The following CD22 variants were observed in gnomAD, a reference collection of about 807,000 sequenced individuals.
The protein encoded by CD22 is B-cell receptor CD22.
CD22 carries 51 observed loss-of-function variants against 94.7 expected under a neutral mutation model. The ratio of observed to expected loss-of-function variants is 0.54; its 90% CI spans 0.43 to 0.68. The LOEUF (loss-of-function observed/expected upper bound fraction) is 0.68. CD22 is among the 30% of genes least tolerant of loss of function. The pLI is 0.00. For missense variants in CD22, 931 were observed against 1,060.4 expected, an observed-to-expected ratio of 0.88 and a Z score of 1.69; for synonymous variants, 424 against 422.5, an observed-to-expected ratio of 1.00 and a Z score of -0.04.
At chr19:35,332,170 G>A in intron 2 of CD22, 96 bp downstream of exon 2, 1 of 1,387,802 alleles carries the variant, frequency 7.2e-7, no homozygotes, top group Non-Finnish European at 1.0e-6. Context: ...TCAACATAGG[G>A]TAGGGTGGGG....
At chr19:35,346,368 C>T (rs546536630) in intron 13 of CD22, 133 bp downstream of exon 13, 41 of 1,068,026 alleles carry the variant, frequency 3.8e-5, no homozygotes, top group Non-Finnish European at 5.1e-5. Context: ...GTGTTGGAGA[C>T]GGTTGCTCCG....
chr19:35,338,444 G>A lies in CD22; in HGVS notation c.1249+13G>A, dbSNP rs2066757570. On this transcript the variant is annotated intron_variant, in intron 6 of 13. Coordinates refer to ENST00000085219, the MANE Select transcript of CD22 (RefSeq NM_001771.4). ...CTGGATGTCCAGTGTGAGTAGCCAC[G>A]GAGCCTCTGGTTCTAGGGAGAGAAG... 3.7e-6 allele frequency: 6 copies of A among 1,607,174 alleles called. No individual in the cohort carries two copies. The East Asian group carries it at 6.7e-5, about 18-fold the overall frequency.
Position 35,338,250 on chromosome 19 carries a change from G to A in CD22, c.1068G>A (p.Leu356=), listed in dbSNP as rs770304921. Residue 356 remains leucine (L), a synonymous_variant, in exon 6 of 14, where the codon CTG becomes CTA. Coordinates refer to ENST00000085219, the MANE Select transcript of CD22 (RefSeq NM_001771.4). The stretch of plus-strand genomic sequence containing the variant: ...AAGTCGAGTTTCTTTGCATGTCACT[G>A]GCCAATCCTCTTCCAACAAATTACA... ...GSQVEFLCMS[L]ANPLPTNYTW... is the part of the protein sequence containing the mutation. 1 of 1,614,222 alleles carries A rather than the reference G, an allele frequency of 6.2e-7. No individual in the cohort carries two copies. Among genetic ancestry groups the A allele is most frequent in the Admixed American group, 1.7e-5 (1 of 60,018 alleles).
At chr19:35,335,985 G>A (rs897431963) in intron 3 of CD22, 51 bp from the exon 4 acceptor site, 19 of 1,508,730 alleles carry the variant, frequency 1.3e-5, no homozygotes, top group East Asian at 2.3e-5. Flanking sequence ...CCAGGTGTAC[G>A]CTCACGTCCT....
intron 5 of CD22, 33 bp downstream of exon 5, chr19:35,338,054 A>C: frequency 6.3e-7 from 1 of 1,588,322 alleles, no homozygotes. Context: ...CAGGCCAGGC[A>C]GGGAGGTAGC....
chr19:35,342,444 G>C (rs549317472), intron 9 of CD22, among the ~76,000 whole-genome samples: 2 of 151,934 alleles, frequency 1.3e-5, no homozygotes, highest in Admixed American at 6.6e-5. Context: ...CCTGGGATTA[G>C]AGCCATGAGC....
Position 35,346,165 on chromosome 19 carries a change from C to T in CD22, c.2342C>T (p.Ser781Leu), listed in dbSNP as rs772307669. The change falls in exon 13 of 14, where the codon TCA (serine) becomes TTA (leucine). Residue 781 changes from serine to leucine, a missense_variant. Transcript: ENST00000085219. Reference sequence around the variant, plus strand: ...CTGTCTCTCAGAGATGCAGAGTCCTCAGAGATGCAGAGACCTCCCCCGGAC... The same window carrying T: ...CTGTCTCTCAGAGATGCAGAGTCCTTAGAGATGCAGAGACCTCCCCCGGAC... The part of the protein sequence containing the change: ...NIPRTGDAES[S>L]EMQRPPPDCD... 3.7e-6 allele frequency: 6 copies of T among 1,613,468 alleles called. No individual in the cohort carries two copies. Among genetic ancestry groups the T allele is most frequent in the Admixed American group, 1.7e-5 (1 of 60,000 alleles).
rs375494334 is a variant in CD22 at position 35,344,917 on chromosome 19, C to G, written c.2124C>G (p.Leu708=). The change falls in exon 10 of 14, where the codon CTC becomes CTG. Residue 708 remains leucine (L), a synonymous_variant. Coordinates refer to ENST00000085219, the MANE Select transcript of CD22 (RefSeq NM_001771.4). ...ILILAICGLK[L]QRRWKRTQSQ... is the part of the protein sequence containing the mutation. ...TCCTGGCAATCTGTGGGCTCAAGCT[C>G]CAGCGACGGTGAGCTCCTGCCATCC... 1 of 1,613,732 alleles carries G rather than the reference C, an allele frequency of 6.2e-7. No individual in the cohort carries two copies. The highest frequency in any genetic ancestry group is 1.1e-5 in the South Asian group (1 of 91,072).
chr19:35,332,699 G>A lies in CD22; in HGVS notation c.187G>A (p.Glu63Lys), dbSNP rs1425564663. 3.1e-6 allele frequency: 5 copies of A among 1,614,100 alleles called. No homozygotes were observed. The highest frequency in any genetic ancestry group is 1.1e-5 in the South Asian group (1 of 91,076). The change falls in exon 3 of 14, where the codon GAG (glutamate) becomes AAG (lysine). Residue 63 changes from glutamate to lysine, a missense_variant. By Grantham distance (56) the Glu-to-Lys change is moderately conservative. Transcript: ENST00000085219. ...AAGCTTCATCCTGTTCCACAATCCTGAGTATAACAAGAACACCTCGAAGTT... is the reference window on the plus strand; with the variant it reads ...AAGCTTCATCCTGTTCCACAATCCTAAGTATAACAAGAACACCTCGAAGTT... ...LESFILFHNP[E>K]YNKNTSKFDG...
intron 5 of CD22, 27 bp downstream of exon 5, chr19:35,338,048 C>T (rs1284024921): frequency 6.3e-7 from 1 of 1,591,152 alleles, no homozygotes; most frequent in African/African-American, 1.3e-5. Context: ...TGGGGACAGG[C>T]CAGGCAGGGA....
Position 35,337,928 on chromosome 19 carries a change from GA to G in CD22, c.894del (p.Val299Ter). 1 of 1,614,228 alleles carries G rather than the reference GA, an allele frequency of 6.2e-7. No homozygotes were observed. The highest frequency in any genetic ancestry group is 8.5e-7 in the Non-Finnish European group (1 of 1,180,032). On this transcript the variant is annotated frameshift_variant, in exon 5 of 14. Coordinates refer to ENST00000085219, the MANE Select transcript of CD22 (RefSeq NM_001771.4). LOFTEE classifies it high-confidence loss of function. This position sits in a 1 kb window ranked among gnomAD's most constrained non-coding sequence, Gnocchi z 4.4. ...KQNTFTLNLR[E>X]VTKDQSGKYC... ...GAATACATTCACGCTAAACCTGCGC[GA>G]AGTGACCAAGGACCAGAGTGGGAAG...
chr19:35,332,184 G>T (rs1465966150), intron 2 of CD22, 110 bp downstream of exon 2: 27 of 1,217,498 alleles, frequency 2.2e-5, no homozygotes, highest in Non-Finnish European at 3.3e-5. Context: ...GGTGGGGGCA[G>T]CGGTGTGTAT....
Position 35,344,876 on chromosome 19 carries a change from T to C in CD22, c.2083T>C (p.Cys695Arg), listed in dbSNP as rs1358621384. ...GRRVAVGLGSCLAILILAICG... is the reference protein window; with the variant it reads ...GRRVAVGLGSRLAILILAICG... ...GCGAGTGGCTGTGGGACTCGGGTCCTGCCTCGCCATCCTCATCCTGGCAAT... is the reference window on the plus strand; with the variant it reads ...GCGAGTGGCTGTGGGACTCGGGTCCCGCCTCGCCATCCTCATCCTGGCAAT... Residue 695 changes from cysteine (C) to arginine (R), a missense_variant, in exon 10 of 14, where the codon TGC (cysteine) becomes CGC (arginine). Coordinates refer to ENST00000085219, the MANE Select transcript of CD22 (RefSeq NM_001771.4). The C allele has an allele frequency of 6.2e-7, 1 of 1,614,112 alleles. No homozygotes were observed. Among genetic ancestry groups the C allele is most frequent in the Non-Finnish European group, 8.5e-7 (1 of 1,179,982 alleles).
At chr19:35,339,431 C>T (rs1343289465) in intron 6 of CD22, among the ~76,000 whole-genome samples, 2 of 151,810 alleles carry the variant, frequency 1.3e-5, no homozygotes. Context: ...GTCATGCATG[C>T]CTGTAGTCTC....
chr19:35,336,396 C>T, intron 4 of CD22, 55 bp downstream of exon 4: 1 of 1,548,230 alleles, frequency 6.5e-7, no homozygotes, highest in African/African-American at 1.4e-5. Context: ...ACCTTCTCCC[C>T]AGCCCCGCAG....
At chr19:35,333,650 C>T (rs986366420) in intron 3 of CD22, among the ~76,000 whole-genome samples, 17 of 152,104 alleles carry the variant, frequency 1.1e-4, no homozygotes, top group Admixed American at 7.2e-4. Flanking sequence ...CTTGATCTCC[C>T]GGGTTCAAGC....
At chr19:35,339,987 C>A (rs1279108621) in intron 6 of CD22, among the ~76,000 whole-genome samples, 1 of 152,164 alleles carries the variant, frequency 6.6e-6, no homozygotes, top group Non-Finnish European at 1.5e-5. Flanking sequence ...TGTCTCATTA[C>A]CTCTCCATTG....
At chr19:35,342,744 GTC>G (rs368321683) in intron 9 of CD22, among the ~76,000 whole-genome samples, 2 of 151,720 alleles carry the variant, frequency 1.3e-5, no homozygotes, top group African/African-American at 2.4e-5. Flanking sequence ...CTGGGTCCCT[GTC>G]TCTCTCTCTC....
Position 35,337,496 on chromosome 19 carries a change from A to G in CD22, c.719-259A>G, listed in dbSNP as rs528094143. ...GGTGAGGGTTTGGGATTCTATGCAAAGCACAGAACCCGCTCGTGGTTTCCA... is the reference window on the plus strand; with the variant it reads ...GGTGAGGGTTTGGGATTCTATGCAAGGCACAGAACCCGCTCGTGGTTTCCA... On this transcript the variant is annotated intron_variant, in intron 4 of 13. Transcript: ENST00000085219. This position sits in a 1 kb window ranked among gnomAD's most constrained non-coding sequence, Gnocchi z 4.4. Among the ~76,000 whole-genome samples the G allele has an allele frequency of 4.1e-4, 62 of 152,230 alleles. No homozygotes were observed. The highest frequency in any genetic ancestry group is 1.4e-3 in the African/African-American group (59 of 41,540).
Sources: allele counts gnomAD v4.1 joint callset (sites outside exome capture counted in the v4.1 genomes callset), GRCh38; gene constraint gnomAD v4.1.1; non-coding constraint Gnocchi (gnomAD v3.1); transcripts MANE v1.5; gene names NCBI Gene and HGNC (gene_info 2026-07-23, HGNC 2026-07-21).